NRXN3: variants seen among roughly 807,000 people sequenced by gnomAD.
NRXN3 encodes neurexin 3, also known as neurexin III.
A neutral mutation model predicts 137.6 loss-of-function variants in NRXN3; 32 were observed. The ratio of observed to expected loss-of-function variants is 0.23; its 90% CI spans 0.18 to 0.31. The LOEUF (loss-of-function observed/expected upper bound fraction) is 0.31, where lower values mean the gene tolerates loss of function less well. Ranked by LOEUF, NRXN3 falls within the 10% of genes least tolerant of loss-of-function variation. The pLI is 1.00. For missense variants in NRXN3, 1,574 were observed against 2,062.5 expected (o/e 0.76, Z 4.59); for synonymous variants, 798 against 784.5 (o/e 1.02, Z -0.29).
chr14:78,627,104 T>TTC (rs68104206), intron 4 of NRXN3, among the ~76,000 whole-genome samples: 6,910 of 120,858 alleles, frequency 0.057, 226 homozygotes, highest in Non-Finnish European at 0.078. Context: ...CCTCCCTCCC[T>TTC]TCTCTCTCTC....
chr14:79,473,675 A>G (rs1293984968), intron 16 of NRXN3, among the ~76,000 whole-genome samples: 1 of 152,220 alleles, frequency 6.6e-6, no homozygotes, highest in Non-Finnish European at 1.5e-5. Context: ...AGAGGTATCC[A>G]ACAGATGCAA....
intron 6 of NRXN3, among the ~76,000 whole-genome samples, chr14:78,692,743 C>A (rs1193555606): frequency 6.6e-6 from 1 of 152,174 alleles, no homozygotes; most frequent in African/African-American, 2.4e-5. Flanking sequence ...ATAATTATGG[C>A]ATCTTATAGA....
intron 15 of NRXN3, among the ~76,000 whole-genome samples, chr14:79,007,590 G>A (rs924583744): frequency 9.2e-5 from 14 of 151,786 alleles, no homozygotes; most frequent in South Asian, 2.1e-4. Context: ...CAGATCACAC[G>A]GTCAGGAGAT....
chr14:78,596,828 G>A (rs2097161295), intron 4 of NRXN3, among the ~76,000 whole-genome samples: 1 of 152,118 alleles, frequency 6.6e-6, no homozygotes, highest in Non-Finnish European at 1.5e-5. Context: ...TAATAAAGTT[G>A]TTATCCTCCT....
At chr14:79,525,799 G>A (rs985513882) in intron 16 of NRXN3, among the ~76,000 whole-genome samples, 1 of 152,212 alleles carries the variant, frequency 6.6e-6, no homozygotes, top group Non-Finnish European at 1.5e-5. Flanking sequence ...GCTAGCAAGA[G>A]GTGCTGGGTT....
intron 20 of NRXN3, chr14:79,823,773 G>A (rs183294983): frequency 1.1e-5 from 3 of 269,508 alleles, no homozygotes; most frequent in Admixed American, 3.4e-5. Context: ...TTTTTCCTGG[G>A]TTGAATTATG....
intron 15 of NRXN3, among the ~76,000 whole-genome samples, chr14:79,359,042 A>G (rs2093590884): frequency 6.6e-6 from 1 of 152,236 alleles, no homozygotes; most frequent in Non-Finnish European, 1.5e-5. Context: ...AAGTTAAATA[A>G]CTACATATGT....
At chr14:78,299,252 T>C (rs997922776) in intron 4 of NRXN3, among the ~76,000 whole-genome samples, 26 of 152,044 alleles carry the variant, frequency 1.7e-4, no homozygotes, top group Non-Finnish European at 8.8e-5. Flanking sequence ...GTTCTTGCAG[T>C]TTAGTGAGGG....
intron 4 of NRXN3, among the ~76,000 whole-genome samples, chr14:78,437,347 C>CTTT (rs201830022): frequency 6.3e-5 from 9 of 143,442 alleles, no homozygotes; most frequent in Admixed American, 6.9e-5. Context: ...TTTTCTTTTT[C>CTTT]TTTTTTTTTT....
At chr14:79,549,960 G>GTTTT (rs10699647) in intron 16 of NRXN3, among the ~76,000 whole-genome samples, 21,839 of 134,466 alleles carry the variant, frequency 0.16, 2,386 homozygotes, top group African/African-American at 0.31. Context: ...ATATTGTTGG[G>GTTTT]TGTTTGTTTG....
At chr14:79,442,346 T>C (rs1311902147) in intron 15 of NRXN3, among the ~76,000 whole-genome samples, 1 of 152,168 alleles carries the variant, frequency 6.6e-6, no homozygotes, top group Non-Finnish European at 1.5e-5. Flanking sequence ...ATTCTTTAAG[T>C]AATGTTCATG....
chr14:79,170,316 A>G (rs1199343968), intron 15 of NRXN3, among the ~76,000 whole-genome samples: 1 of 152,136 alleles, frequency 6.6e-6, no homozygotes, highest in Non-Finnish European at 1.5e-5. Flanking sequence ...CTTCCTTAAA[A>G]AGTAGTTTTT....
At chr14:78,596,538 T>G (rs2097159312) in intron 4 of NRXN3, among the ~76,000 whole-genome samples, 1 of 152,210 alleles carries the variant, frequency 6.6e-6, no homozygotes, top group Non-Finnish European at 1.5e-5. Context: ...ACGTGTGTTA[T>G]TACTAATTCT....
chr14:78,619,851 C>A, intron 4 of NRXN3, among the ~76,000 whole-genome samples: 1 of 152,072 alleles, frequency 6.6e-6, no homozygotes, highest in Non-Finnish European at 1.5e-5. Flanking sequence ...TAATATAATG[C>A]CCTTAGAACA....
At chr14:79,603,420 G>A (rs2097952964) in intron 16 of NRXN3, among the ~76,000 whole-genome samples, 1 of 152,124 alleles carries the variant, frequency 6.6e-6, no homozygotes, top group African/African-American at 2.4e-5. Flanking sequence ...AGACCTCTGT[G>A]CCTTTATCTA....
intron 8 of NRXN3, among the ~76,000 whole-genome samples, chr14:78,718,644 G>A (rs895963767): frequency 1.3e-5 from 2 of 152,172 alleles, no homozygotes; most frequent in Non-Finnish European, 2.9e-5. Flanking sequence ...TGCTTCTTCT[G>A]CCTGTGAAGA....
At chr14:79,441,540 C>T (rs545271150) in intron 15 of NRXN3, among the ~76,000 whole-genome samples, 23 of 151,782 alleles carry the variant, frequency 1.5e-4, no homozygotes, top group Middle Eastern at 3.4e-3. Flanking sequence ...CCACCGCACC[C>T]GGCTAATTTG....
chr14:78,664,423 C>T (rs1162174635), intron 6 of NRXN3, among the ~76,000 whole-genome samples: 1 of 152,164 alleles, frequency 6.6e-6, no homozygotes, highest in African/African-American at 2.4e-5. Flanking sequence ...ATCCCTTCAG[C>T]TAGAGACATA....
intron 4 of NRXN3, among the ~76,000 whole-genome samples, chr14:78,400,998 C>T (rs2091993456): frequency 6.6e-6 from 1 of 152,256 alleles, no homozygotes; most frequent in African/African-American, 2.4e-5. Flanking sequence ...CTGGCAGGTT[C>T]AGCATCTGGT....
Sources: gnomAD v4.1 joint callset for allele counts (sites outside exome capture counted in the v4.1 genomes callset) on GRCh38, gnomAD v4.1.1 for gene constraint, MANE v1.5 for transcripts, NCBI Gene and HGNC (gene_info 2026-07-23, HGNC 2026-07-21) for gene names.